NFXL1: variants seen among roughly 807,000 people sequenced by gnomAD.
The protein encoded by NFXL1 is NF-X1-type zinc finger protein NFXL1.
A neutral mutation model predicts 123.3 loss-of-function variants in NFXL1; 66 were observed. That is an observed-to-expected ratio of 0.54 (90% CI 0.44 to 0.66). The LOEUF (loss-of-function observed/expected upper bound fraction) is 0.66. Ranked by LOEUF, NFXL1 falls within the 30% of genes least tolerant of loss-of-function variation. The pLI is 0.00. For missense variants in NFXL1, 944 were observed against 1,125.6 expected (o/e 0.84, Z 2.31); for synonymous variants, 346 against 360.8 (o/e 0.96, Z 0.46).
chr4:47,851,738 G>C (rs1172521647), intron 21 of NFXL1, 118 bp downstream of exon 21: 1 of 638,958 alleles, frequency 1.6e-6, no homozygotes, highest in Non-Finnish European at 2.7e-6. Flanking sequence ...ATAAAACTAG[G>C]CTTTTATTAT....
chr4:47,873,341 T>G (rs921049816), intron 18 of NFXL1, among the ~76,000 whole-genome samples: 1 of 152,180 alleles, frequency 6.6e-6, no homozygotes, highest in Non-Finnish European at 1.5e-5. Context: ...CAGAACGTTT[T>G]CAATTTACCC....
chr4:47,892,238 C>T (rs1736815308), intron 11 of NFXL1, among the ~76,000 whole-genome samples: 2 of 152,178 alleles, frequency 1.3e-5, no homozygotes, highest in African/African-American at 4.8e-5. Context: ...GTAAGTCTTG[C>T]AATGCTATCA....
At chr4:47,876,649 A>G (rs1402475496) in intron 17 of NFXL1, among the ~76,000 whole-genome samples, 1 of 152,184 alleles carries the variant, frequency 6.6e-6, no homozygotes, top group Non-Finnish European at 1.5e-5. Flanking sequence ...ATGGAGCAGA[A>G]AGATGATACT....
chr4:47,857,912 T>C (rs1405935595), intron 19 of NFXL1, among the ~76,000 whole-genome samples: 3 of 152,166 alleles, frequency 2.0e-5, no homozygotes, highest in Admixed American at 6.5e-5. Flanking sequence ...TTCCCAAAGC[T>C]TGACTGTATA....
intron 19 of NFXL1, among the ~76,000 whole-genome samples, chr4:47,860,752 G>C (rs1734717242): frequency 6.6e-6 from 1 of 152,166 alleles, no homozygotes; most frequent in Non-Finnish European, 1.5e-5. Context: ...GTGTGCTCTT[G>C]GACCAACAGT....
chr4:47,855,074 A>G lies in NFXL1; in HGVS notation c.2406T>C (p.Cys802=), dbSNP rs1437082132. The G allele has an allele frequency of 6.8e-7, 1 of 1,462,894 alleles. No individual in the cohort carries two copies. Among genetic ancestry groups the G allele is most frequent in the Admixed American group, 1.8e-5 (1 of 55,328 alleles). 90.6% of individuals were successfully genotyped at this position (1,462,894 alleles called of 1,614,324 possible). A position where few individuals can be genotyped will look rare whatever the true frequency, so the allele number is the denominator to read the frequency against. ...AAATATTTACCTTTTTTATTCTTTT[A>G]CAAGGACATCTAAGTTTTACCTTCT... is the stretch of plus-strand genomic sequence containing the variant. ...CNQKVKLRCP[C]KRIKKELQCN... The change falls in exon 20 of 23, where the codon TGT becomes TGC. Residue 802 remains cysteine, a synonymous_variant. Coordinates refer to ENST00000507489, the MANE Select transcript of NFXL1 (RefSeq NM_001278624.2).
chr4:47,858,802 T>A (rs1734562665), intron 19 of NFXL1, among the ~76,000 whole-genome samples: 1 of 152,174 alleles, frequency 6.6e-6, no homozygotes, highest in Non-Finnish European at 1.5e-5. Flanking sequence ...CATTACTTGA[T>A]TTTTTGGCCT....
At chr4:47,877,632 G>T (rs904574152) in intron 17 of NFXL1, among the ~76,000 whole-genome samples, 2 of 151,872 alleles carry the variant, frequency 1.3e-5, no homozygotes, top group Non-Finnish European at 2.9e-5. Context: ...ATTTTTGAGG[G>T]TCAAGGCATG....
chr4:47,874,240 GCTAA>G (rs1341732440), intron 18 of NFXL1, among the ~76,000 whole-genome samples: 2 of 152,134 alleles, frequency 1.3e-5, no homozygotes, highest in Non-Finnish European at 2.9e-5. Context: ...TCACAACGTG[GCTAA>G]CTGTTTGGTG....
chr4:47,879,186 A>AGAGTTAGCAT, intron 15 of NFXL1, 69 bp from the exon 16 acceptor site: 2 of 627,274 alleles, frequency 3.2e-6, no homozygotes, highest in Non-Finnish European at 2.7e-6. Flanking sequence ...AAAGATGCTA[A>AGAGTTAGCAT]CTCTACTAGC....
intron 12 of NFXL1, among the ~76,000 whole-genome samples, chr4:47,887,898 A>T (rs952065847): frequency 6.6e-6 from 1 of 152,254 alleles, no homozygotes; most frequent in Non-Finnish European, 1.5e-5. Flanking sequence ...AACTATACTG[A>T]CCAATACCAG....
In NFXL1 at chr4:47,855,041, A is replaced by G. The variant is rs772587296; in HGVS notation, c.2421+18T>C. 6 of 1,111,488 alleles carry G rather than the reference A, an allele frequency of 5.4e-6. No homozygotes were observed. The highest frequency in any genetic ancestry group is 2.1e-5 in the Admixed American group (1 of 47,140). 68.9% of individuals were successfully genotyped at this position (1,111,488 alleles called of 1,614,324 possible). A position where few individuals can be genotyped will look rare whatever the true frequency, so the allele number is the denominator to read the frequency against. On this transcript the variant is annotated intron_variant, in intron 20 of 22. Transcript: ENST00000507489. ...CAACTTATATAGAAAAGTATTTTCA[A>G]TAACTTAAAATATTTACCTTTTTTA...
Position 47,884,327 on chromosome 4 carries a change from T to C in NFXL1, c.1916+19A>G, listed in dbSNP as rs544963311. ...AAAGTTTTTTGTTTTTTTTTTTTAA[T>C]TGAAATTCTAATACTTACATAGGAA... On this transcript the variant is annotated intron_variant, in intron 15 of 22. Transcript: ENST00000507489. The C allele has an allele frequency of 3.6e-6, 5 of 1,402,272 alleles. No individual in the cohort carries two copies. The highest frequency in any genetic ancestry group is 1.2e-5 in the South Asian group (1 of 80,636). 86.9% of individuals were successfully genotyped at this position (1,402,272 alleles called of 1,614,324 possible).
intron 2 of NFXL1, among the ~76,000 whole-genome samples, chr4:47,912,670 G>C (rs1316512590): frequency 6.8e-6 from 1 of 146,020 alleles, no homozygotes; most frequent in Non-Finnish European, 1.5e-5. Flanking sequence ...CTGTTAGCCA[G>C]GATGGTCTCC....
intron 19 of NFXL1, 43 bp from the exon 20 acceptor site, chr4:47,855,206 G>T: frequency 8.7e-7 from 1 of 1,151,184 alleles, no homozygotes; most frequent in Non-Finnish European, 1.3e-6. Flanking sequence ...CTTACATCTT[G>T]ATCATACTCT....
intron 20 of NFXL1, among the ~76,000 whole-genome samples, chr4:47,854,843 T>C (rs1045676527): frequency 6.6e-6 from 1 of 150,850 alleles, no homozygotes; most frequent in Admixed American, 6.7e-5. Flanking sequence ...GAAAATTAAA[T>C]CGCCAAAGCT....
In NFXL1 at chr4:47,910,849, C is replaced by T. The variant is rs779447388; in HGVS notation, c.381G>A (p.Thr127=). 4.5e-5 allele frequency: 72 copies of T among 1,597,364 alleles called. No individual in the cohort carries two copies. The East Asian group carries it at 7.4e-4, about 16-fold the overall frequency. The change falls in exon 3 of 23, where the codon ACG becomes ACA. Residue 127 remains threonine, a synonymous_variant. Coordinates refer to ENST00000507489, the MANE Select transcript of NFXL1 (RefSeq NM_001278624.2). The part of the protein sequence containing the change: ...EGKQGKILAN[T]FITYTTQTDG... ...CTGTCTGAGTAGTGTATGTTATAAA[C>T]GTATTTGCAAGTATTTTTCCCTGTT...
intron 19 of NFXL1, among the ~76,000 whole-genome samples, chr4:47,859,029 A>C (rs148733627): frequency 7.9e-5 from 12 of 152,250 alleles, no homozygotes; most frequent in Non-Finnish European, 1.6e-4. Flanking sequence ...ACTTGAATGC[A>C]TAAGATAAAA....
chr4:47,905,125 T>G, intron 4 of NFXL1, 112 bp downstream of exon 4: 1 of 470,024 alleles, frequency 2.1e-6, no homozygotes. Context: ...AATTCTCAAA[T>G]GAAGCATTTT....
Sources: gnomAD v4.1 joint callset for allele counts (sites outside exome capture counted in the v4.1 genomes callset) on GRCh38, gnomAD v4.1.1 for gene constraint, MANE v1.5 for transcripts, NCBI Gene and HGNC (gene_info 2026-07-23, HGNC 2026-07-21) for gene names.